Variants in CSF2RA observed in about 807,000 individuals in gnomAD.
CSF2RA encodes colony stimulating factor 2 receptor subunit alpha.
CSF2RA carries 42 observed loss-of-function variants against 51.6 expected under a neutral mutation model. The ratio of observed to expected loss-of-function variants is 0.81; its 90% confidence interval spans 0.64 to 1.05. CSF2RA has a LOEUF of 1.05. Ranked by LOEUF, CSF2RA falls within the 50% of genes least tolerant of loss-of-function variation. The pLI is 0.00. For missense variants in CSF2RA, 530 were observed against 501.1 expected (o/e 1.06, Z -0.55); for synonymous variants, 222 against 193.0 (o/e 1.15, Z -1.24).
the CSF2RA span, among the ~76,000 whole-genome samples, chrX:1,324,424 G>A: frequency 1.7e-4 from 15 of 90,558 alleles, no homozygotes; most frequent in African/African-American, 4.0e-4. Context: ...GAAAGAAAAA[G>A]AAAGAAGAGA....
downstream of CSF2RA, among the ~76,000 whole-genome samples, chrX:1,312,934 A>G (rs1389111682): frequency 6.6e-6 from 1 of 152,112 alleles, no homozygotes; most frequent in Non-Finnish European, 1.5e-5. Flanking sequence ...GGTGGGGAGA[A>G]GCGTCTAAAA....
chrX:1,290,047 TTTTTG>T lies in CSF2RA; in HGVS notation c.474-278_474-274del, dbSNP rs1362012422. On this transcript the variant is annotated intron_variant, in intron 6 of 12. Transcript: ENST00000381529. ...TTTTTGTGTTTTGTTTTGTTTTGTGTTTTTGTTTTGTTTTGTGTTTTTGATTTGTG... is the reference window on the plus strand; with the variant it reads ...TTTTTGTGTTTTGTTTTGTTTTGTGTTTTTGTTTTGTGTTTTTGATTTGTG... 3.9e-3 allele frequency among the ~76,000 whole-genome samples: 583 copies of T among 150,524 alleles called. 3 individuals are homozygous for T. Among genetic ancestry groups the T allele is most frequent in the African/African-American group, 0.013 (547 of 40,932 alleles).
At chrX:1,287,952 G>C (rs190194777) in intron 4 of CSF2RA, among the ~76,000 whole-genome samples, 1 of 138,624 alleles carries the variant, frequency 7.2e-6, no homozygotes, top group Non-Finnish European at 1.6e-5. Flanking sequence ...GGCCAGGCTG[G>C]TCTTGAACTC....
At chrX:1,295,812 C>T (rs1162225006) in intron 9 of CSF2RA, among the ~76,000 whole-genome samples, 1 of 80,350 alleles carries the variant, frequency 1.2e-5, no homozygotes, top group Non-Finnish European at 2.8e-5. Context: ...AGGAAGAGAC[C>T]CTGCCCCACG....
intron 3 of CSF2RA, among the ~76,000 whole-genome samples, chrX:1,283,631 A>C (rs1375940419): frequency 1.3e-5 from 2 of 149,692 alleles, no homozygotes; most frequent in Admixed American, 6.7e-5. Context: ...GCAATGGCTC[A>C]ATCTCAGCTC....
At chrX:1,287,468 G>C (rs775056645) in intron 4 of CSF2RA, among the ~76,000 whole-genome samples, 4 of 144,290 alleles carry the variant, frequency 2.8e-5, no homozygotes, top group East Asian at 2.1e-4. Flanking sequence ...TTTTGGGATG[G>C]AGTCTCGCTC....
At chrX:1,314,792 T>C (rs79206111), downstream of CSF2RA, among the ~76,000 whole-genome samples, 713 of 3,378 alleles carry the variant, frequency 0.21, 59 homozygotes, top group Middle Eastern at 0.42. Flanking sequence ...ACCTGCCCAA[T>C]CCCACTGCAC....
intron 2 of CSF2RA, among the ~76,000 whole-genome samples, chrX:1,280,240 G>A (rs1400861928): frequency 3.3e-5 from 5 of 152,060 alleles, no homozygotes; most frequent in Non-Finnish European, 5.9e-5. Flanking sequence ...GAGAAGCTGA[G>A]GCAGGCAGAT....
chrX:1,288,439 G>T, intron 4 of CSF2RA, 80 bp from the exon 5 acceptor site: 2 of 1,549,014 alleles, frequency 1.3e-6, no homozygotes, highest in Non-Finnish European at 1.8e-6. Flanking sequence ...CCGAGATCAC[G>T]CCACTGCACT....
At chrX:1,318,585 G>T in the CSF2RA span, among the ~76,000 whole-genome samples, 1 of 151,660 alleles carries the variant, frequency 6.6e-6, no homozygotes, top group Admixed American at 6.6e-5. Context: ...AGAAAGGATA[G>T]AAAAGACTTT....
In CSF2RA at chrX:1,284,376, T is replaced by TATA. The variant is rs1348385904; in HGVS notation, c.77-1402_77-1401insATA. On this transcript the variant is annotated intron_variant, in intron 3 of 12. Transcript: ENST00000381529. The stretch of plus-strand genomic sequence containing the variant: ...CACCACCATGCCAAGCTAATTTAAA[T>TATA]TTTTTTTTTAATTTTATAGAGGAGA... Among the ~76,000 whole-genome samples the TATA allele has an allele frequency of 1.3e-4, 12 of 90,846 alleles. No homozygotes were observed. In the East Asian group the frequency reaches 1.4e-3, roughly 10 times the overall value. The allele number at this position is 90,846 out of a possible 152,430, so 59.6% of individuals were successfully genotyped here. A position where few individuals can be genotyped will look rare whatever the true frequency, so the allele number is the denominator to read the frequency against.
At chrX:1,315,422 G>C in the CSF2RA span, among the ~76,000 whole-genome samples, 1 of 151,960 alleles carries the variant, frequency 6.6e-6, no homozygotes, top group Non-Finnish European at 1.5e-5. Context: ...TTTGTTTTAA[G>C]AGACAGAGTC....
At chrX:1,322,002 G>T in the CSF2RA span, among the ~76,000 whole-genome samples, 1 of 152,072 alleles carries the variant, frequency 6.6e-6, no homozygotes, top group Non-Finnish European at 1.5e-5. Context: ...CGGCATGGTG[G>T]CTCATGCCTG....
chrX:1,322,247 A>C, the CSF2RA span, among the ~76,000 whole-genome samples: 2 of 149,164 alleles, frequency 1.3e-5, no homozygotes, highest in East Asian at 2.0e-4. Flanking sequence ...CTGGGACGAC[A>C]GGTGCCCGCC....
chrX:1,286,688 A>T (rs1280144241), intron 4 of CSF2RA, among the ~76,000 whole-genome samples: 1 of 152,202 alleles, frequency 6.6e-6, no homozygotes, highest in Non-Finnish European at 1.5e-5. Flanking sequence ...GAACCGGGAA[A>T]GTGCTGTTAG....
chrX:1,301,492 A>G (rs1448472143), intron 10 of CSF2RA, among the ~76,000 whole-genome samples: 1 of 149,186 alleles, frequency 6.7e-6, no homozygotes, highest in Non-Finnish European at 1.5e-5. Flanking sequence ...CTAAAGTCCC[A>G]CCTCCCTCTG....
intron 1 of CSF2RA, among the ~76,000 whole-genome samples, chrX:1,272,287 G>T (rs2088535412): frequency 6.6e-6 from 1 of 151,012 alleles, no homozygotes; most frequent in African/African-American, 2.4e-5. Context: ...GTATACACAA[G>T]ATTCTTCAGA....
intron 9 of CSF2RA, among the ~76,000 whole-genome samples, chrX:1,296,300 C>T (rs1272554884): frequency 4.1e-5 from 6 of 145,300 alleles, no homozygotes; most frequent in African/African-American, 1.3e-4. Context: ...CGGAACTGTA[C>T]AGTCCCCTAC....
chrX:1,297,639 T>C (rs367794507), intron 9 of CSF2RA, among the ~76,000 whole-genome samples: 138 of 29,016 alleles, frequency 4.8e-3, no homozygotes, highest in Admixed American at 0.01. Context: ...CCCTACAGTC[T>C]CCTACTCATG....
Sources: allele counts gnomAD v4.1 joint callset (sites outside exome capture counted in the v4.1 genomes callset), GRCh38; gene constraint gnomAD v4.1.1; transcripts MANE v1.5; gene names NCBI Gene and HGNC (gene_info 2026-07-23, HGNC 2026-07-21).